FDFT1: variants seen among roughly 807,000 people sequenced by gnomAD.
FDFT1 encodes the protein farnesyl-diphosphate farnesyltransferase 1.
FDFT1 carries 68 observed loss-of-function variants against 46.8 expected under a neutral mutation model. The observed-to-expected ratio is 1.45, with a 90% confidence interval of 1.19 to 1.78. FDFT1 has a LOEUF of 1.78. Among genes scored for constraint, FDFT1 ranks in the 40% most tolerant of loss-of-function variants. The pLI, the probability that FDFT1 is intolerant of heterozygous loss-of-function variation, is 0.00. For missense variants in FDFT1, 928 were observed against 524.4 expected (o/e 1.77, Z -7.52); for synonymous variants, 351 against 185.1 (o/e 1.90, Z -7.28).
chr8:11,811,498 G>C (rs773877071), intron 3 of FDFT1, among the ~76,000 whole-genome samples: 5 of 152,218 alleles, frequency 3.3e-5, no homozygotes, highest in Middle Eastern at 3.2e-3. Flanking sequence ...ATATGAAAGT[G>C]TGTGAATGCT....
At chr8:11,820,134 C>T (rs1224058864) in intron 3 of FDFT1, among the ~76,000 whole-genome samples, 1 of 152,138 alleles carries the variant, frequency 6.6e-6, no homozygotes, top group African/African-American at 2.4e-5. Flanking sequence ...GCTGGAGGTC[C>T]ACTCTAGACC....
chr8:11,817,115 CTAT>C, intron 3 of FDFT1, among the ~76,000 whole-genome samples: 1 of 152,294 alleles, frequency 6.6e-6, no homozygotes, highest in East Asian at 1.9e-4. Context: ...TTTCGTGCAT[CTAT>C]TGAGATAATC....
intron 3 of FDFT1, among the ~76,000 whole-genome samples, chr8:11,812,340 T>A (rs763183729): frequency 1.3e-5 from 2 of 152,242 alleles, no homozygotes; most frequent in Non-Finnish European, 2.9e-5. Flanking sequence ...GACTGTGCCC[T>A]TGGGCCTGAG....
At chr8:11,833,286 C>T (rs1352116931) in intron 7 of FDFT1, among the ~76,000 whole-genome samples, 2 of 152,098 alleles carry the variant, frequency 1.3e-5, no homozygotes, top group Non-Finnish European at 2.9e-5. Flanking sequence ...AACTTGAGGC[C>T]CCAGCCTCAT....
upstream of FDFT1, among the ~76,000 whole-genome samples, chr8:11,799,801 C>T (rs543082854): frequency 1.4e-3 from 209 of 152,126 alleles, no homozygotes; most frequent in African/African-American, 4.9e-3. Flanking sequence ...AAAAAATTAG[C>T]TGGCCGTGGT....
chr8:11,832,374 G>C (rs1045336095), intron 7 of FDFT1, among the ~76,000 whole-genome samples: 1 of 151,576 alleles, frequency 6.6e-6, no homozygotes, highest in Middle Eastern at 3.4e-3. Flanking sequence ...GGGCGACATA[G>C]CAAGACCCCA....
chr8:11,826,249 C>A, intron 5 of FDFT1, 34 bp downstream of exon 5: 3 of 1,417,784 alleles, frequency 2.1e-6, no homozygotes, highest in Non-Finnish European at 2.8e-6. Context: ...GGGAAAATAA[C>A]TTTAGACATT....
upstream of FDFT1, among the ~76,000 whole-genome samples, chr8:11,799,466 G>A (rs909743723): frequency 1.3e-5 from 2 of 152,206 alleles, no homozygotes; most frequent in East Asian, 3.8e-4. Flanking sequence ...TTGCCTGCAT[G>A]GCCTTAGGTC....
chr8:11,821,256 T>G (rs911757443), intron 3 of FDFT1, among the ~76,000 whole-genome samples: 2 of 152,230 alleles, frequency 1.3e-5, no homozygotes, highest in Non-Finnish European at 2.9e-5. Flanking sequence ...CATTAGCATT[T>G]TTAGACCATT....
intron 5 of FDFT1, 86 bp downstream of exon 5, chr8:11,826,301 A>C: frequency 1.9e-6 from 2 of 1,073,288 alleles, no homozygotes; most frequent in Non-Finnish European, 2.7e-6. Context: ...GGGTGACAGA[A>C]AAACAAGTCA....
rs567389018 is a variant in FDFT1 at position 11,826,295 on chromosome 8, G to C, written c.702+80G>C. ...TCCTTTAACTCTTGTGGTTGCGGGTGACAGAAAAACAAGTCAGGCCTCCCC... is the reference window on the plus strand; with the variant it reads ...TCCTTTAACTCTTGTGGTTGCGGGTCACAGAAAAACAAGTCAGGCCTCCCC... On this transcript the variant is annotated intron_variant, in intron 5 of 7. Transcript: ENST00000220584. 43 of 1,173,852 alleles carry C rather than the reference G, an allele frequency of 3.7e-5. No homozygotes were observed. In the African/African-American group the frequency reaches 6.1e-4, roughly 17 times the overall value. 72.7% of individuals were successfully genotyped at this position (1,173,852 alleles called of 1,614,324 possible).
At chr8:11,806,704 G>A (rs1806885937) in intron 1 of FDFT1, among the ~76,000 whole-genome samples, 1 of 152,146 alleles carries the variant, frequency 6.6e-6, no homozygotes, top group Non-Finnish European at 1.5e-5. Context: ...TAATGGTCAG[G>A]CTATGTGAAG....
At chr8:11,819,252 C>G (rs979635161) in intron 3 of FDFT1, among the ~76,000 whole-genome samples, 2 of 152,182 alleles carry the variant, frequency 1.3e-5, no homozygotes, top group Non-Finnish European at 2.9e-5. Context: ...TGTGGGTAAC[C>G]CGACCTTTCT....
chr8:11,812,540 T>G (rs144390730), intron 3 of FDFT1, among the ~76,000 whole-genome samples: 11 of 152,262 alleles, frequency 7.2e-5, no homozygotes, highest in Non-Finnish European at 1.6e-4. Context: ...AATAAAACTC[T>G]GAGGGACTAA....
rs757441747 is a variant in FDFT1, at chr8:11,838,569, C to A, written c.1214C>A (p.Ser405Tyr). ...ALSWQYLTTL[S>Y]QVTEDYVQTG... The stretch of plus-strand genomic sequence containing the variant: ...AGCTGGCAGTACCTGACCACTCTCT[C>A]CCAGGTAACAGAAGACTATGTTCAG... Residue 405 changes from serine (S) to tyrosine (Y), a missense_variant, in exon 8 of 8, where the codon TCC becomes TAC. Coordinates refer to ENST00000220584, the MANE Select transcript of FDFT1 (RefSeq NM_004462.5). 1 of 1,613,926 alleles carries A rather than the reference C, an allele frequency of 6.2e-7. No homozygotes were observed. The highest frequency in any genetic ancestry group is 2.2e-5 in the East Asian group (1 of 44,890).
At chr8:11,836,360 G>T (rs929292026) in intron 7 of FDFT1, among the ~76,000 whole-genome samples, 1 of 152,200 alleles carries the variant, frequency 6.6e-6, no homozygotes, top group Admixed American at 6.5e-5. Context: ...TCCAAGTAGG[G>T]CTGGACCTTG....
At chr8:11,818,133 A>T (rs1316318706) in intron 3 of FDFT1, among the ~76,000 whole-genome samples, 1 of 152,228 alleles carries the variant, frequency 6.6e-6, no homozygotes, top group Non-Finnish European at 1.5e-5. Flanking sequence ...GTAGTCATTC[A>T]GGAGCAGGTT....
At chr8:11,831,197 G>T (rs974973283) in intron 6 of FDFT1, among the ~76,000 whole-genome samples, 6 of 152,132 alleles carry the variant, frequency 3.9e-5, no homozygotes, top group Non-Finnish European at 8.8e-5. Flanking sequence ...ACATATTTCC[G>T]ATCCGATAAT....
chr8:11,803,829 C>T (rs1806457254), intron 1 of FDFT1: 1 of 159,876 alleles, frequency 6.3e-6, no homozygotes, highest in African/African-American at 2.4e-5. Context: ...GGTTTTTGTC[C>T]CCAGTAGACT....
Sources: gnomAD v4.1 joint callset for allele counts (sites outside exome capture counted in the v4.1 genomes callset) on GRCh38, gnomAD v4.1.1 for gene constraint, MANE v1.5 for transcripts, NCBI Gene and HGNC (gene_info 2026-07-23, HGNC 2026-07-21) for gene names.